The following BTF3L4 variants were observed in gnomAD, a reference collection of about 807,000 sequenced individuals.
BTF3L4 encodes transcription factor BTF3 homolog 4.
BTF3L4 carries 6 observed loss-of-function variants against 16.8 expected under a neutral mutation model. That is an observed-to-expected ratio of 0.36 (90% CI 0.20 to 0.71). The LOEUF is 0.71. Ranked by LOEUF, BTF3L4 falls within the 30% of genes least tolerant of loss-of-function variation. BTF3L4 has a pLI of 0.58. For synonymous variants in BTF3L4, 39 were observed against 59.8 expected (o/e 0.65, Z 1.60); for missense variants, 92 against 186.9 (o/e 0.49, Z 2.96).
intron 2 of BTF3L4, among the ~76,000 whole-genome samples, chr1:52,061,089 A>C (rs2124413535): frequency 6.6e-6 from 1 of 152,298 alleles, no homozygotes; most frequent in South Asian, 2.1e-4. Flanking sequence ...CAGAATAGTG[A>C]GTGTTATAAT....
In BTF3L4 at chr1:52,071,417, A is replaced by T. The variant is rs561992990; in HGVS notation, c.168+6479A>T. 8.6e-4 allele frequency: 131 copies of T among 152,318 alleles called. 1 individual carries two copies. Among genetic ancestry groups the T allele is most frequent in the African/African-American group, 3.1e-3 (130 of 41,578 alleles). 9.4% of individuals were successfully genotyped at this position (152,318 alleles called of 1,614,324 possible). A position where few individuals can be genotyped will look rare whatever the true frequency, so the allele number is the denominator to read the frequency against. On this transcript the variant is annotated intron_variant, in intron 3 of 5. Transcript: ENST00000313334. ...TTTTCGCTATCTCATATCGTGGTGT[A>T]TAATGGTAACTTATTAATCCAGTAG...
At chr1:52,078,836 G>C (rs1558009370) in intron 3 of BTF3L4, among the ~76,000 whole-genome samples, 1 of 151,974 alleles carries the variant, frequency 6.6e-6, no homozygotes, top group Admixed American at 6.6e-5. Flanking sequence ...TTTACCTTCA[G>C]CTATCTTTAG....
At chr1:52,065,394 T>C (rs1280838998) in intron 3 of BTF3L4, 2 of 153,130 alleles carry the variant, frequency 1.3e-5, no homozygotes, top group Non-Finnish European at 2.9e-5. Flanking sequence ...GCCTCCCAAG[T>C]AGCTGGGACT....
intron 3 of BTF3L4, among the ~76,000 whole-genome samples, chr1:52,071,929 CTCTGTG>C (rs1352895158): frequency 1.3e-5 from 1 of 78,950 alleles, no homozygotes; most frequent in Non-Finnish European, 2.6e-5. Context: ...TTGTTTTTTA[CTCTGTG>C]TGTGTGTGTG....
chr1:52,056,430 G>C (rs1330781040), intron 1 of BTF3L4, 51 bp downstream of exon 1: 1 of 152,870 alleles, frequency 6.5e-6, no homozygotes. Context: ...CGCTGCGCAC[G>C]GTCTCCCCCC....
intron 3 of BTF3L4, among the ~76,000 whole-genome samples, chr1:52,074,011 A>T (rs1686866501): frequency 6.6e-6 from 1 of 151,756 alleles, no homozygotes; most frequent in Non-Finnish European, 1.5e-5. Context: ...AAAGAAAAAA[A>T]TGTAATTCGC....
intron 3 of BTF3L4, among the ~76,000 whole-genome samples, chr1:52,066,481 C>T (rs924436375): frequency 1.3e-4 from 20 of 149,580 alleles, no homozygotes; most frequent in Admixed American, 6.0e-4. Context: ...GGATTACAGG[C>T]GTGAGCCACT....
intron 3 of BTF3L4, among the ~76,000 whole-genome samples, chr1:52,082,581 A>C (rs1643934671): frequency 6.6e-6 from 1 of 152,104 alleles, no homozygotes; most frequent in Admixed American, 6.6e-5. Context: ...CTAAAAATAC[A>C]AAAATTAGCT....
At chr1:52,060,997 T>C (rs1686494764) in intron 2 of BTF3L4, among the ~76,000 whole-genome samples, 2 of 152,214 alleles carry the variant, frequency 1.3e-5, no homozygotes, top group African/African-American at 4.8e-5. Context: ...TGTTGTATAT[T>C]GAGCACCTAC....
chr1:52,058,537 C>G (rs1407438577), intron 1 of BTF3L4, among the ~76,000 whole-genome samples: 1 of 151,686 alleles, frequency 6.6e-6, no homozygotes, highest in Non-Finnish European at 1.5e-5. Context: ...GTCCCTTATT[C>G]CCTCCCTCAC....
intron 2 of BTF3L4, chr1:52,060,721 C>T: frequency 1.4e-6 from 1 of 693,636 alleles, no homozygotes; most frequent in Non-Finnish European, 1.8e-6. Context: ...ATGATAACCA[C>T]AGTTCCTGGG....
At chr1:52,079,839 T>C (rs1643899783) in intron 3 of BTF3L4, among the ~76,000 whole-genome samples, 1 of 151,478 alleles carries the variant, frequency 6.6e-6, no homozygotes. Context: ...CAAGCTCTCA[T>C]GAGGCCATGG....
intron 3 of BTF3L4, among the ~76,000 whole-genome samples, chr1:52,082,964 G>A (rs1390376156): frequency 1.3e-5 from 2 of 152,066 alleles, no homozygotes; most frequent in Non-Finnish European, 2.9e-5. Flanking sequence ...AGTGGAAATT[G>A]CACTGATTTT....
chr1:52,067,760 A>G (rs1033735288), intron 3 of BTF3L4, among the ~76,000 whole-genome samples: 1 of 152,104 alleles, frequency 6.6e-6, no homozygotes, highest in Non-Finnish European at 1.5e-5. Flanking sequence ...TCTACCCTTC[A>G]ACTCCTCTGC....
chr1:52,080,273 TAAC>T (rs1307332965), intron 3 of BTF3L4, among the ~76,000 whole-genome samples: 1 of 152,170 alleles, frequency 6.6e-6, no homozygotes, highest in African/African-American at 2.4e-5. Context: ...GGTTTGCACT[TAAC>T]AAGCTATTTG....
At chr1:52,064,744 T>G (rs1042178414) in intron 2 of BTF3L4, 81 bp from the exon 3 acceptor site, 4 of 722,396 alleles carry the variant, frequency 5.5e-6, no homozygotes, top group Non-Finnish European at 9.4e-6. Flanking sequence ...GGTTTTAGAT[T>G]ATTGTGATAC....
intron 3 of BTF3L4, among the ~76,000 whole-genome samples, chr1:52,081,420 G>C (rs1246824800): frequency 6.6e-6 from 1 of 152,070 alleles, no homozygotes; most frequent in Non-Finnish European, 1.5e-5. Flanking sequence ...CACCGCACCT[G>C]GCCTGAAATC....
intron 3 of BTF3L4, among the ~76,000 whole-genome samples, chr1:52,066,585 T>A (rs1003995861): frequency 6.7e-6 from 1 of 149,910 alleles, no homozygotes; most frequent in East Asian, 2.1e-4. Context: ...GGCTCACACC[T>A]GTAATCCCAG....
At position 52,086,551 on chromosome 1, in the gene BTF3L4, G is replaced by A. The variant is rs1643974307; in HGVS notation, c.431-161G>A. ...GTCCTAAGCAAATAATTAAATCATT[G>A]TTAGTAAAATGCCACCAGTTCATTT... On this transcript the variant is annotated intron_variant, in intron 5 of 5. Transcript: ENST00000313334. The A allele has an allele frequency of 5.6e-6, 3 of 533,208 alleles. No homozygotes were observed. In the African/African-American group the frequency reaches 5.9e-5, roughly 10 times the overall value. The allele number at this position is 533,208 out of a possible 1,614,324, so 33.0% of individuals were successfully genotyped here. A position where few individuals can be genotyped will look rare whatever the true frequency, so the allele number is the denominator to read the frequency against.
Sources: allele counts gnomAD v4.1 joint callset (sites outside exome capture counted in the v4.1 genomes callset), GRCh38; gene constraint gnomAD v4.1.1; transcripts MANE v1.5; gene names NCBI Gene and HGNC (gene_info 2026-07-23, HGNC 2026-07-21).